The following FBXO46 variants were observed in gnomAD, a reference collection of about 807,000 sequenced individuals.
The protein encoded by FBXO46 is F-box only protein 46.
FBXO46 carries 13 observed loss-of-function variants against 30.7 expected under a neutral mutation model. The ratio of observed to expected loss-of-function variants is 0.42; its 90% confidence interval spans 0.28 to 0.67. The LOEUF is 0.67. Ranked by LOEUF, FBXO46 falls within the 30% of genes least tolerant of loss-of-function variation. FBXO46 has a pLI of 0.21. For synonymous variants in FBXO46, 467 were observed against 385.8 expected (o/e 1.21, Z -2.47); for missense variants, 754 against 871.5 (o/e 0.87, Z 1.70).
At chr19:45,719,171 C>T (rs1037767646) in intron 1 of FBXO46, among the ~76,000 whole-genome samples, 5 of 152,048 alleles carry the variant, frequency 3.3e-5, no homozygotes, top group African/African-American at 4.8e-5. Context: ...ATTGCTTGAG[C>T]CCAGGAGGTA....
intron 1 of FBXO46, among the ~76,000 whole-genome samples, chr19:45,729,063 T>C (rs910906941): frequency 6.1e-5 from 9 of 148,420 alleles, no homozygotes; most frequent in Admixed American, 6.1e-4. Flanking sequence ...TGAGCCAAGA[T>C]TGCACTCCGC....
chr19:45,718,291 G>A (rs1285635740), intron 1 of FBXO46, among the ~76,000 whole-genome samples: 2 of 152,192 alleles, frequency 1.3e-5, no homozygotes, highest in East Asian at 3.8e-4. Flanking sequence ...TGACCACAAG[G>A]TCACACAGAG....
chr19:45,728,095 C>G (rs1385223912), intron 1 of FBXO46, among the ~76,000 whole-genome samples: 4 of 152,296 alleles, frequency 2.6e-5, no homozygotes, highest in African/African-American at 7.2e-5. Flanking sequence ...CGCCACCACG[C>G]CCAGCTAATA....
chr19:45,717,797 G>C (rs952584253), intron 1 of FBXO46, among the ~76,000 whole-genome samples: 2 of 149,076 alleles, frequency 1.3e-5, no homozygotes, highest in Admixed American at 6.7e-5. Flanking sequence ...GGGGCGGGCT[G>C]AGGATTTCCG....
chr19:45,724,505 A>C (rs1259076584), intron 1 of FBXO46, among the ~76,000 whole-genome samples: 2 of 152,132 alleles, frequency 1.3e-5, no homozygotes, highest in Non-Finnish European at 2.9e-5. Context: ...GCACATGGTA[A>C]GTGCTCTATT....
intron 1 of FBXO46, among the ~76,000 whole-genome samples, chr19:45,724,367 T>C (rs1193433344): frequency 6.6e-6 from 1 of 152,182 alleles, no homozygotes; most frequent in Non-Finnish European, 1.5e-5. Flanking sequence ...TGAAAATGAA[T>C]TGGGAATAGA....
Position 45,711,852 on chromosome 19 carries a change from G to C in FBXO46, c.1644C>G (p.His548Gln). Reference protein sequence around the residue: ...EKGDVSLCRWHPKPYHHDLPY... With the variant: ...EKGDVSLCRWQPKPYHHDLPY... ...GCAGGTCATGGTGGTAGGGCTTGGG[G>C]TGCCAGCGGCAGAGCGACACGTCGC... Residue 548 changes from histidine (H) to glutamine (Q), a missense_variant, in exon 2 of 2, where the codon CAC becomes CAG. By Grantham distance (24) the His-to-Gln change is conservative. This residue lies in a region of FBXO46 where 162 missense variants were observed against 258.7 expected (regional missense o/e 0.63). Transcript: ENST00000317683. 1 of 1,613,674 alleles carries C rather than the reference G, an allele frequency of 6.2e-7. No individual in the cohort carries two copies.
upstream of FBXO46, among the ~76,000 whole-genome samples, chr19:45,731,886 G>C (rs1968320349): frequency 6.6e-6 from 1 of 151,706 alleles, no homozygotes; most frequent in Non-Finnish European, 1.5e-5. Context: ...GGGAGGCCGA[G>C]GCGGGCTGAT....
At chr19:45,721,272 A>C (rs1304420860) in intron 1 of FBXO46, among the ~76,000 whole-genome samples, 1 of 148,048 alleles carries the variant, frequency 6.8e-6, no homozygotes, top group Non-Finnish European at 1.5e-5. Context: ...TTGAGCCCGG[A>C]AGTGGAGGGT....
chr19:45,718,885 A>G (rs892217957), intron 1 of FBXO46, among the ~76,000 whole-genome samples: 6 of 151,986 alleles, frequency 3.9e-5, no homozygotes, highest in African/African-American at 1.5e-4. Flanking sequence ...AAAGACGGCA[A>G]AAAACTGGCT....
At chr19:45,725,602 T>A (rs1278446473) in intron 1 of FBXO46, among the ~76,000 whole-genome samples, 1 of 151,100 alleles carries the variant, frequency 6.6e-6, no homozygotes, top group Non-Finnish European at 1.5e-5. Flanking sequence ...GGCATGGTGG[T>A]GTGCGCCTGC....
At chr19:45,729,045 G>C (rs144403651) in intron 1 of FBXO46, among the ~76,000 whole-genome samples, 1 of 152,112 alleles carries the variant, frequency 6.6e-6, no homozygotes, top group African/African-American at 2.4e-5. Flanking sequence ...GGGAGGCGGA[G>C]GTTGCGGTGA....
At chr19:45,717,705 C>T (rs1156916448) in intron 1 of FBXO46, among the ~76,000 whole-genome samples, 1 of 150,302 alleles carries the variant, frequency 6.7e-6, no homozygotes, top group African/African-American at 2.5e-5. Flanking sequence ...GCCAGGCAGC[C>T]CGGGGATTAA....
upstream of FBXO46, among the ~76,000 whole-genome samples, chr19:45,731,246 C>G (rs142131794): frequency 6.6e-6 from 1 of 151,638 alleles, no homozygotes; most frequent in African/African-American, 2.4e-5. Flanking sequence ...TTTATTGATT[C>G]ATTTGTGCCG....
intron 1 of FBXO46, among the ~76,000 whole-genome samples, chr19:45,730,121 AGAATAGGGGATAT>A (rs1968289745): frequency 6.6e-6 from 1 of 152,092 alleles, no homozygotes; most frequent in South Asian, 2.1e-4. Flanking sequence ...AAGGGGTGGA[AGAATAGGGGATAT>A]GAATGCTGTA....
chr19:45,721,767 C>A (rs1037460934), intron 1 of FBXO46, among the ~76,000 whole-genome samples: 1 of 151,694 alleles, frequency 6.6e-6, no homozygotes, highest in African/African-American at 2.4e-5. Flanking sequence ...AGGATGGTCT[C>A]GGTCTCCTGA....
chr19:45,732,877 C>A (rs1968344645), upstream of FBXO46, among the ~76,000 whole-genome samples: 5 of 152,020 alleles, frequency 3.3e-5, no homozygotes. Context: ...AAATGGCCCT[C>A]CTCTTTGAAT....
Position 45,710,720 on chromosome 19 carries a change from AAG to A in FBXO46, c.*962_*963del, listed in dbSNP as rs1967941305. 1 of 152,398 alleles carries A rather than the reference AAG, an allele frequency of 6.6e-6. No individual in the cohort carries two copies. Among genetic ancestry groups the A allele is most frequent in the South Asian group, 2.1e-4 (1 of 4,840 alleles). The allele number at this position is 152,398 out of a possible 1,614,324, so 9.4% of individuals were successfully genotyped here. On this transcript the variant is annotated 3_prime_UTR_variant, in exon 2 of 2. Coordinates refer to ENST00000317683, the MANE Select transcript of FBXO46 (RefSeq NM_001080469.2). ...CCAGAACCACGATGGAAAGAAAAAA[AAG>A]AAAACAAAAAACAGAGAGAACAAAC... is the stretch of plus-strand genomic sequence containing the variant.
chr19:45,724,774 C>A (rs1374624952), intron 1 of FBXO46, among the ~76,000 whole-genome samples: 1 of 152,166 alleles, frequency 6.6e-6, no homozygotes, highest in African/African-American at 2.4e-5. Flanking sequence ...TGTGCCTCAG[C>A]CTCCCGAGTA....
Sources: gnomAD v4.1 joint callset for allele counts (sites outside exome capture counted in the v4.1 genomes callset) on GRCh38, gnomAD v4.1.1 for gene constraint, gnomAD v4.1.1 regional missense constraint, MANE v1.5 for transcripts, NCBI Gene and HGNC (gene_info 2026-07-23, HGNC 2026-07-21) for gene names.